Variants in BAZ1A observed in about 807,000 individuals in gnomAD.
BAZ1A encodes the protein bromodomain adjacent to zinc finger domain 1A, also known as bromodomain adjacent to zinc finger domain protein 1A.
BAZ1A carries 50 observed loss-of-function variants against 185.2 expected under a neutral mutation model. The observed-to-expected ratio is 0.27, with a 90% CI of 0.22 to 0.34. BAZ1A has a LOEUF of 0.34. BAZ1A is among the 10% of genes least tolerant of loss of function. The probability of loss-of-function intolerance (pLI) is 1.00; values close to 1 mark genes in which losing one functional copy is unlikely to be tolerated. For synonymous variants in BAZ1A, 571 were observed against 615.6 expected (o/e 0.93, Z 1.07); for missense variants, 1,356 against 1,839.9 (o/e 0.74, Z 4.81).
intron 25 of BAZ1A, among the ~76,000 whole-genome samples, chr14:34,758,341 G>A (rs964197227): frequency 6.6e-6 from 1 of 150,378 alleles, no homozygotes; most frequent in South Asian, 2.1e-4. Context: ...CACCACTTTG[G>A]GGGGCCGAGG....
At chr14:34,775,670 G>C (rs933642905) in intron 18 of BAZ1A, among the ~76,000 whole-genome samples, 2 of 152,206 alleles carry the variant, frequency 1.3e-5, no homozygotes, top group Admixed American at 1.3e-4. Flanking sequence ...AGATCAGGGA[G>C]AATATGTATT....
rs1881145118 is a variant in BAZ1A at position 34,795,654 on chromosome 14, C to T, written c.1224+16G>A. On this transcript the variant is annotated intron_variant, in intron 10 of 26. Transcript: ENST00000360310. ...TAAAACCTATGTGTGCTAAACATCA[C>T]ATAACATGTTTATACCTTAAGGTCA... is the stretch of plus-strand genomic sequence containing the variant. The T allele has an allele frequency of 8.3e-6, 13 of 1,563,566 alleles. No individual in the cohort carries two copies. Among genetic ancestry groups the T allele is most frequent in the Middle Eastern group, 3.4e-4 (2 of 5,904 alleles).
chr14:34,821,443 A>G (rs1356248801), intron 4 of BAZ1A, among the ~76,000 whole-genome samples: 1 of 152,240 alleles, frequency 6.6e-6, no homozygotes, highest in East Asian at 1.9e-4. Context: ...AAACATGAGA[A>G]AATCCAGATT....
Position 34,811,523 on chromosome 14 carries a change from T to G in BAZ1A, c.537-487A>C, listed in dbSNP as rs940341537. On this transcript the variant is annotated intron_variant, in intron 4 of 26. Transcript: ENST00000360310. ...TCACCCAGGCTGGAGTGCAATGGAA[T>G]CATCAAAGCTGAGTGCAGCCTCAAA... 3.8e-4 allele frequency among the ~76,000 whole-genome samples: 58 copies of G among 152,022 alleles called. 3 individuals carry two copies. Among genetic ancestry groups the G allele is most frequent in the Non-Finnish European group, 4.4e-5 (3 of 68,006 alleles).
chr14:34,873,852 G>A (rs1462466885), intron 2 of BAZ1A, among the ~76,000 whole-genome samples: 1 of 152,146 alleles, frequency 6.6e-6, no homozygotes, highest in African/African-American at 2.4e-5. Context: ...AGCGCCGGAC[G>A]GGAGGCCGCG....
At position 34,830,311 on chromosome 14, in the gene BAZ1A, T is replaced by C. The variant is rs975214152; in HGVS notation, c.393-4155A>G. On this transcript the variant is annotated intron_variant, in intron 3 of 26. Coordinates refer to ENST00000360310, the MANE Select transcript of BAZ1A (RefSeq NM_013448.3). ...AAATATTATCCAGCAAAAAAAAAAA[T>C]AGGAATGAAGTACTGATACATGCTA... Among the ~76,000 whole-genome samples the C allele has an allele frequency of 7.4e-5, 11 of 149,316 alleles. 1 individual carries two copies. The highest frequency in any genetic ancestry group is 7.0e-3 in the Middle Eastern group (2 of 284).
chr14:34,795,554 C>T, intron 10 of BAZ1A, 116 bp downstream of exon 10: 1 of 632,116 alleles, frequency 1.6e-6, no homozygotes, highest in Non-Finnish European at 2.5e-6. Flanking sequence ...TAGCTATTTC[C>T]TCTCGGTTAA....
At chr14:34,862,443 C>T in intron 2 of BAZ1A, 121 bp from the exon 3 acceptor site, 1 of 1,058,702 alleles carries the variant, frequency 9.4e-7, no homozygotes, top group Non-Finnish European at 1.3e-6. Flanking sequence ...TTTATGTAGA[C>T]TCACAGAACT....
intron 9 of BAZ1A, among the ~76,000 whole-genome samples, chr14:34,796,165 T>TAC (rs61285890): frequency 0.032 from 4,621 of 146,542 alleles, 175 homozygotes; most frequent in African/African-American, 0.093. Flanking sequence ...TACATATACA[T>TAC]ACACACACAC....
chr14:34,776,781 A>G (rs966982080), intron 17 of BAZ1A, among the ~76,000 whole-genome samples: 14 of 152,204 alleles, frequency 9.2e-5, no homozygotes, highest in African/African-American at 3.4e-4. Flanking sequence ...TTGTTATCTG[A>G]CATGCACAGA....
chr14:34,775,878 G>T, intron 18 of BAZ1A, 41 bp downstream of exon 18: 1 of 1,481,494 alleles, frequency 6.7e-7, no homozygotes, highest in Non-Finnish European at 9.2e-7. Flanking sequence ...GAGATTAGGG[G>T]GAGGGAAAAA....
intron 6 of BAZ1A, among the ~76,000 whole-genome samples, chr14:34,803,835 C>T (rs1881710684): frequency 6.6e-6 from 1 of 152,064 alleles, no homozygotes; most frequent in African/African-American, 2.4e-5. Context: ...TTGATAAAAG[C>T]AGAAATACTT....
At position 34,874,361 on chromosome 14, in the gene BAZ1A, G is replaced by A; in HGVS notation, c.113+131C>T. 2.3e-6 allele frequency: 2 copies of A among 872,222 alleles called. No homozygotes were observed. The highest frequency in any genetic ancestry group is 3.6e-6 in the Non-Finnish European group (2 of 554,738). 54.0% of individuals were successfully genotyped at this position (872,222 alleles called of 1,614,324 possible). On this transcript the variant is annotated intron_variant, in intron 2 of 26. Coordinates refer to ENST00000360310, the MANE Select transcript of BAZ1A (RefSeq NM_013448.3). The surrounding 1 kb of genome is among the most constrained non-coding windows in gnomAD (Gnocchi z 4.7). ...GAGGCCAGGAGGCAGAGAACCGCGG[G>A]CCCGGGGGCCACCCGTCACTTTCAA...
In BAZ1A at chr14:34,874,772, C is replaced by G; in HGVS notation, c.-58-110G>C. ...TCGGCTGCCTTTTGTGTGACTGACG[C>G]GCCGCGGCCGCTACCGGAGCCGAGT... On this transcript the variant is annotated intron_variant, in intron 1 of 26. Coordinates refer to ENST00000360310, the MANE Select transcript of BAZ1A (RefSeq NM_013448.3). The surrounding 1 kb of genome is among the most constrained non-coding windows in gnomAD (Gnocchi z 4.7). 1 of 531,038 alleles carries G rather than the reference C, an allele frequency of 1.9e-6. No homozygotes were observed. The highest frequency in any genetic ancestry group is 3.3e-6 in the Non-Finnish European group (1 of 307,612). 32.9% of individuals were successfully genotyped at this position (531,038 alleles called of 1,614,324 possible).
At chr14:34,810,778 A>G (rs1292766163) in intron 5 of BAZ1A, among the ~76,000 whole-genome samples, 157 bp downstream of exon 5, 2 of 152,156 alleles carry the variant, frequency 1.3e-5, no homozygotes, top group African/African-American at 4.8e-5. Flanking sequence ...GATTCTTAGG[A>G]TTTATTTTAA....
chr14:34,797,977 G>A (rs188860587), intron 9 of BAZ1A, among the ~76,000 whole-genome samples: 184 of 152,368 alleles, frequency 1.2e-3, no homozygotes, highest in African/African-American at 4.1e-3. Context: ...CAAATACTGC[G>A]CTTTTCCAAC....
intron 4 of BAZ1A, among the ~76,000 whole-genome samples, chr14:34,824,408 C>CCCAA: frequency 1.5e-5 from 1 of 65,772 alleles, no homozygotes; most frequent in Non-Finnish European, 2.5e-5. Context: ...AGCAGCAACT[C>CCCAA]AAAAAAAAAA....
At chr14:34,781,641 A>G (rs1959159) in intron 16 of BAZ1A, among the ~76,000 whole-genome samples, 88,212 of 151,680 alleles carry the variant, frequency 0.58, 25,851 homozygotes, top group South Asian at 0.67. Flanking sequence ...CTCTACAGGT[A>G]TGTGCCACCA....
intron 9 of BAZ1A, among the ~76,000 whole-genome samples, chr14:34,797,927 C>G (rs1173165616): frequency 2.0e-5 from 3 of 152,244 alleles, no homozygotes; most frequent in Admixed American, 2.0e-4. Flanking sequence ...CCAAGGGGAG[C>G]CTTGACAGAC....
Sources: gnomAD v4.1 joint callset for allele counts (sites outside exome capture counted in the v4.1 genomes callset) on GRCh38, gnomAD v4.1.1 for gene constraint, Gnocchi (gnomAD v3.1) non-coding constraint, MANE v1.5 for transcripts, NCBI Gene and HGNC (gene_info 2026-07-23, HGNC 2026-07-21) for gene names.